The following MAP3K15 variants were observed in gnomAD, a reference collection of about 807,000 sequenced individuals.
MAP3K15 encodes the protein MAPK/ERK kinase kinase 15.
MAP3K15 carries 124 observed loss-of-function variants against 99.5 expected under a neutral mutation model. The observed-to-expected ratio is 1.25, with a 90% CI of 1.08 to 1.45. The LOEUF (loss-of-function observed/expected upper bound fraction) is 1.45. Among genes scored for constraint, MAP3K15 ranks in the 40% most tolerant of loss-of-function variants. The pLI is 0.00. For missense variants in MAP3K15, 1,242 were observed against 1,079.7 expected, an observed-to-expected ratio of 1.15 and a Z score of -2.11; for synonymous variants, 494 against 439.6, an observed-to-expected ratio of 1.12 and a Z score of -1.55.
At chrX:19,480,517 A>T (rs2064280744) in intron 3 of MAP3K15, among the ~76,000 whole-genome samples, 1 of 109,500 alleles carries the variant, frequency 9.1e-6, no homozygotes, top group Non-Finnish European at 1.9e-5. Context: ...AAATTTTTTA[A>T]AAAGGGCCGG....
At chrX:19,462,503 A>G (rs886934806) in intron 4 of MAP3K15, among the ~76,000 whole-genome samples, 57 of 112,359 alleles carry the variant, frequency 5.1e-4, no homozygotes, top group Middle Eastern at 4.6e-3. Context: ...GGTTAGCCCG[A>G]TAAGTAAAAA....
intron 18 of MAP3K15, among the ~76,000 whole-genome samples, chrX:19,381,582 C>T (rs2063458370): frequency 8.9e-6 from 1 of 111,818 alleles, no homozygotes. Context: ...AGATAGACAG[C>T]GGTCCGGGGA....
At chrX:19,407,478 T>G (rs1463375969) in intron 12 of MAP3K15, among the ~76,000 whole-genome samples, 195 bp from the exon 13 acceptor site, 1 of 112,135 alleles carries the variant, frequency 8.9e-6, no homozygotes, top group Non-Finnish European at 1.9e-5. Context: ...TATTTGAGTT[T>G]GTATTTATCA....
chrX:19,418,714 G>A, intron 9 of MAP3K15, among the ~76,000 whole-genome samples: 1 of 109,309 alleles, frequency 9.1e-6, no homozygotes, highest in Non-Finnish European at 1.9e-5. Flanking sequence ...CTCGAGAAGA[G>A]CAACTCCAAG....
chrX:19,424,311 T>C (rs12392677), intron 9 of MAP3K15, among the ~76,000 whole-genome samples: 1 of 87,436 alleles, frequency 1.1e-5, no homozygotes, highest in African/African-American at 6.6e-5. Flanking sequence ...TATACACACA[T>C]ATATATACAT....
intron 1 of MAP3K15, among the ~76,000 whole-genome samples, chrX:19,506,840 C>T (rs1039662153): frequency 2.7e-5 from 3 of 112,400 alleles, no homozygotes; most frequent in African/African-American, 9.7e-5. Context: ...TATAGTTTTC[C>T]TATCGATGTT....
At chrX:19,434,288 C>G (rs1233200895) in intron 6 of MAP3K15, among the ~76,000 whole-genome samples, 2 of 109,017 alleles carry the variant, frequency 1.8e-5, no homozygotes, top group Non-Finnish European at 3.8e-5. Context: ...TGTGGTGGCA[C>G]AATCTCAGCT....
rs183660925 is a variant in MAP3K15 at position 19,434,375 on chromosome X, C to T, written c.996-2767G>A. On this transcript the variant is annotated intron_variant, in intron 6 of 28. Transcript: ENST00000338883. Reference sequence around the variant, plus strand: ...AAGTAGCTAGGATTACAGGTGTGCACCACCACACCCAGCTAATTTTTTAAT... The same window carrying T: ...AAGTAGCTAGGATTACAGGTGTGCATCACCACACCCAGCTAATTTTTTAAT... Among the ~76,000 whole-genome samples, 609 of 107,148 alleles carry T rather than the reference C, an allele frequency of 5.7e-3. 9 individuals are homozygous for T. The highest frequency in any genetic ancestry group is 0.02 in the African/African-American group (574 of 28,807). 93.0% of individuals were successfully genotyped at this position (107,148 alleles called of 115,157 possible).
At chrX:19,396,879 T>G (rs2063571068) in intron 15 of MAP3K15, among the ~76,000 whole-genome samples, 1 of 110,064 alleles carries the variant, frequency 9.1e-6, no homozygotes, top group Admixed American at 9.7e-5. Context: ...CAATGCTCAT[T>G]TTGTTGGGGT....
chrX:19,460,089 C>G lies in MAP3K15; in HGVS notation c.784G>C (p.Glu262Gln). 8.4e-7 allele frequency: 1 copy of G among 1,196,920 alleles called. No homozygotes were observed. The highest frequency in any genetic ancestry group is 1.1e-6 in the Non-Finnish European group (1 of 893,100). Residue 262 changes from glutamate (E) to glutamine (Q), a missense_variant, in exon 5 of 29, where the codon GAA (glutamate) becomes CAA (glutamine). Physicochemically the swap from Glu to Gln is conservative, Grantham distance 29. Coordinates refer to ENST00000338883, the MANE Select transcript of MAP3K15 (RefSeq NM_001001671.4). ...ATCCGAGCTAGCTCCTTCGCCAGTT[C>G]CTCACCTTGGTATTTCTCTCTGGCT... is the stretch of plus-strand genomic sequence containing the variant. ...RKAREKYQGEELAKELARIKL... is the reference protein window; with the variant it reads ...RKAREKYQGEQLAKELARIKL...
At chrX:19,418,034 C>G (rs1258707672) in intron 9 of MAP3K15, among the ~76,000 whole-genome samples, 2 of 111,627 alleles carry the variant, frequency 1.8e-5, no homozygotes, top group Non-Finnish European at 3.8e-5. Context: ...CACCAAAACC[C>G]CATCTGTACG....
intron 1 of MAP3K15, among the ~76,000 whole-genome samples, chrX:19,491,899 T>C (rs1237186094): frequency 9.1e-6 from 1 of 109,433 alleles, no homozygotes; most frequent in African/African-American, 3.3e-5. Flanking sequence ...TTGGCCAGGC[T>C]GGTCTCAAAC....
intron 12 of MAP3K15, among the ~76,000 whole-genome samples, chrX:19,407,700 A>G (rs772171236): frequency 8.9e-6 from 1 of 112,531 alleles, no homozygotes; most frequent in South Asian, 3.7e-4. Context: ...GTGGCCACAC[A>G]AGGGAAATGG....
At chrX:19,435,916 G>T (rs1385473335) in intron 6 of MAP3K15, among the ~76,000 whole-genome samples, 1 of 112,143 alleles carries the variant, frequency 8.9e-6, no homozygotes, top group Non-Finnish European at 1.9e-5. Context: ...CACTTTGGGA[G>T]GCCAAGGCGG....
At chrX:19,398,172 G>T in intron 15 of MAP3K15, 54 bp downstream of exon 15, 5 of 1,196,145 alleles carry the variant, frequency 4.2e-6, no homozygotes, top group Non-Finnish European at 5.6e-6. Flanking sequence ...GGTGGGTATG[G>T]GATCTGGGGT....
chrX:19,379,247 T>C (rs1162249756), intron 19 of MAP3K15, among the ~76,000 whole-genome samples: 1 of 109,999 alleles, frequency 9.1e-6, no homozygotes, highest in Non-Finnish European at 1.9e-5. Context: ...CTCTCTGAAA[T>C]GTAATCATCA....
intron 9 of MAP3K15, among the ~76,000 whole-genome samples, chrX:19,416,027 T>C (rs774400432): frequency 2.7e-5 from 3 of 111,969 alleles, no homozygotes; most frequent in African/African-American, 9.7e-5. Flanking sequence ...GTTGTAAGTA[T>C]CTGCTTAAAA....
At chrX:19,377,064 A>T (rs2063423406) in intron 19 of MAP3K15, among the ~76,000 whole-genome samples, 1 of 111,781 alleles carries the variant, frequency 8.9e-6, no homozygotes, top group Non-Finnish European at 1.9e-5. Flanking sequence ...TGACACAGTT[A>T]AATCTGTAAC....
chrX:19,463,779 C>T (rs944425915), intron 4 of MAP3K15, among the ~76,000 whole-genome samples: 1 of 111,078 alleles, frequency 9.0e-6, no homozygotes, highest in South Asian at 3.8e-4. Flanking sequence ...TTTTAAAGCA[C>T]GAGAGCGTAA....
Sources: gnomAD v4.1 joint callset for allele counts (sites outside exome capture counted in the v4.1 genomes callset) on GRCh38, gnomAD v4.1.1 for gene constraint, MANE v1.5 for transcripts, NCBI Gene and HGNC (gene_info 2026-07-23, HGNC 2026-07-21) for gene names.